SPAG16: variants seen among roughly 807,000 people sequenced by gnomAD.
SPAG16 encodes the protein sperm associated antigen 16, also known as sperm-associated antigen 16 protein.
A neutral mutation model predicts 80.4 loss-of-function variants in SPAG16; 86 were observed. The observed-to-expected ratio is 1.07, with a 90% CI of 0.90 to 1.28. SPAG16 has a LOEUF of 1.28. SPAG16 is among the 50% of genes most tolerant of loss of function. The pLI is 0.00. For missense variants in SPAG16, 870 were observed against 765.3 expected (o/e 1.14, Z -1.61); for synonymous variants, 294 against 265.9 (o/e 1.11, Z -1.03).
At chr2:214,223,786 C>A (rs2058638231) in intron 15 of SPAG16, among the ~76,000 whole-genome samples, 1 of 151,978 alleles carries the variant, frequency 6.6e-6, no homozygotes, top group African/African-American at 2.4e-5. Context: ...AATAGGTATT[C>A]AAGTGTGGAT....
intron 13 of SPAG16, among the ~76,000 whole-genome samples, chr2:214,101,165 T>A (rs2125370015): frequency 6.6e-6 from 1 of 152,200 alleles, no homozygotes; most frequent in African/African-American, 2.4e-5. Flanking sequence ...TTTCAAATTT[T>A]CACATGACAC....
chr2:214,196,248 C>A (rs1021893907), intron 15 of SPAG16, among the ~76,000 whole-genome samples: 1 of 151,980 alleles, frequency 6.6e-6, no homozygotes, highest in Non-Finnish European at 1.5e-5. Context: ...GTTCTTTGAA[C>A]TTCTCTACCG....
At chr2:213,517,931 C>A (rs1051711235) in intron 10 of SPAG16, among the ~76,000 whole-genome samples, 5 of 152,012 alleles carry the variant, frequency 3.3e-5, no homozygotes, top group Non-Finnish European at 1.5e-5. Flanking sequence ...AAAGGAACTT[C>A]AACAAAAACA....
chr2:213,470,073 C>T (rs891466389), intron 9 of SPAG16, among the ~76,000 whole-genome samples: 20 of 152,054 alleles, frequency 1.3e-4, no homozygotes, highest in Non-Finnish European at 2.4e-4. Flanking sequence ...ATTCCTGGAC[C>T]TGTGAATCCT....
chr2:213,822,219 C>A (rs766336318), intron 10 of SPAG16, among the ~76,000 whole-genome samples: 11 of 152,112 alleles, frequency 7.2e-5, no homozygotes, highest in Non-Finnish European at 1.2e-4. Context: ...TTGTTATTGT[C>A]TGTCTTTTTG....
intron 10 of SPAG16, among the ~76,000 whole-genome samples, chr2:213,632,438 T>A (rs972818974): frequency 6.6e-6 from 1 of 152,162 alleles, no homozygotes; most frequent in South Asian, 2.1e-4. Flanking sequence ...GACTTCTTCC[T>A]TTCCAACTTG....
At chr2:214,325,998 G>A (rs1696450768) in intron 15 of SPAG16, among the ~76,000 whole-genome samples, 1 of 152,094 alleles carries the variant, frequency 6.6e-6, no homozygotes, top group African/African-American at 2.4e-5. Context: ...AATATAATAG[G>A]TATAGTGGAT....
intron 10 of SPAG16, among the ~76,000 whole-genome samples, chr2:213,812,785 C>A (rs976871504): frequency 6.6e-6 from 1 of 151,898 alleles, no homozygotes; most frequent in Non-Finnish European, 1.5e-5. Context: ...CAAGTCCTAT[C>A]ATCTCTAGGA....
chr2:213,534,382 A>G (rs926094533), intron 10 of SPAG16, among the ~76,000 whole-genome samples: 1 of 152,162 alleles, frequency 6.6e-6, no homozygotes, highest in African/African-American at 2.4e-5. Context: ...AACTTTATGC[A>G]TAAGTATATA....
At chr2:213,940,312 G>A (rs920854399) in intron 12 of SPAG16, among the ~76,000 whole-genome samples, 1 of 152,198 alleles carries the variant, frequency 6.6e-6, no homozygotes, top group East Asian at 1.9e-4. Flanking sequence ...TTTTTTTAGA[G>A]ATGACATCTT....
intron 12 of SPAG16, among the ~76,000 whole-genome samples, chr2:213,947,251 A>T (rs2079519806): frequency 1.3e-5 from 2 of 152,292 alleles, no homozygotes; most frequent in South Asian, 4.1e-4. Context: ...ATATATGTTT[A>T]ACATTATTTT....
chr2:214,005,898 A>G (rs1273677241), intron 12 of SPAG16, among the ~76,000 whole-genome samples: 4 of 152,158 alleles, frequency 2.6e-5, no homozygotes, highest in African/African-American at 9.7e-5. Flanking sequence ...GATGTTATGA[A>G]TTGCAGTCTA....
At chr2:213,391,431 G>A (rs972014741) in intron 9 of SPAG16, among the ~76,000 whole-genome samples, 1 of 152,128 alleles carries the variant, frequency 6.6e-6, no homozygotes, top group Non-Finnish European at 1.5e-5. Flanking sequence ...TTCTTTTAGA[G>A]TATGAATTAG....
At chr2:214,392,376 G>A (rs900494880) in intron 15 of SPAG16, among the ~76,000 whole-genome samples, 10 of 151,836 alleles carry the variant, frequency 6.6e-5, no homozygotes, top group African/African-American at 2.4e-4. Context: ...GGCTGGTCTC[G>A]AACTCCTGAC....
chr2:213,558,485 G>A (rs1461140026), intron 10 of SPAG16, among the ~76,000 whole-genome samples: 1 of 149,456 alleles, frequency 6.7e-6, no homozygotes, highest in East Asian at 2.0e-4. Context: ...TTTTTTTTGT[G>A]TTAGTCATGT....
intron 10 of SPAG16, among the ~76,000 whole-genome samples, chr2:213,704,979 G>A (rs1265534897): frequency 2.0e-5 from 3 of 152,182 alleles, no homozygotes; most frequent in African/African-American, 4.8e-5. Flanking sequence ...TAGGCTAGGC[G>A]CATGGGCTTG....
chr2:213,807,225 C>T (rs560991178), intron 10 of SPAG16, among the ~76,000 whole-genome samples: 14 of 152,260 alleles, frequency 9.2e-5, no homozygotes, highest in African/African-American at 3.1e-4. Flanking sequence ...TCATTTGCTT[C>T]CATACTCCTT....
intron 10 of SPAG16, among the ~76,000 whole-genome samples, chr2:213,746,182 T>C (rs2067813623): frequency 6.6e-6 from 1 of 152,242 alleles, no homozygotes; most frequent in African/African-American, 2.4e-5. Context: ...TTTTTCATCA[T>C]ACTTTATCCA....
chr2:214,364,788 G>A (rs1463829958), intron 15 of SPAG16, among the ~76,000 whole-genome samples: 1 of 152,192 alleles, frequency 6.6e-6, no homozygotes, highest in African/African-American at 2.4e-5. Context: ...GTAGATCAGA[G>A]ATGATTGTGG....
Sources: gnomAD v4.1 joint callset for allele counts (sites outside exome capture counted in the v4.1 genomes callset) on GRCh38, gnomAD v4.1.1 for gene constraint, MANE v1.5 for transcripts, NCBI Gene and HGNC (gene_info 2026-07-23, HGNC 2026-07-21) for gene names.